The following FBXO36 variants were observed in gnomAD, a reference collection of about 807,000 sequenced individuals.
The protein encoded by FBXO36 is F-box protein 36.
Under a neutral mutation model 17.0 loss-of-function variants are expected in FBXO36, and 18 were observed. The observed-to-expected ratio is 1.06, with a 90% CI of 0.73 to 1.57. The LOEUF (loss-of-function observed/expected upper bound fraction) is 1.57, where lower values mean the gene tolerates loss of function less well. Ranked by LOEUF, FBXO36 falls within the 40% of genes most tolerant of loss-of-function variation. The pLI is 0.00. For synonymous variants in FBXO36, 83 were observed against 85.3 expected, an observed-to-expected ratio of 0.97 and a Z score of 0.15; for missense variants, 229 against 221.9, an observed-to-expected ratio of 1.03 and a Z score of -0.20.
At chr2:229,929,430 G>A (rs2076927915) in intron 1 of FBXO36, among the ~76,000 whole-genome samples, 1 of 152,084 alleles carries the variant, frequency 6.6e-6, no homozygotes, top group Non-Finnish European at 1.5e-5. Flanking sequence ...GCCAGGCGTG[G>A]GAGCGGGCGC....
intron 1 of FBXO36, among the ~76,000 whole-genome samples, chr2:229,929,370 C>T (rs567782841): frequency 2.0e-5 from 3 of 151,614 alleles, no homozygotes; most frequent in Admixed American, 1.3e-4. Flanking sequence ...AAGACCATCC[C>T]GGCCAACATG....
chr2:230,007,045 C>T (rs74477630), intron 3 of FBXO36, among the ~76,000 whole-genome samples: 1 of 152,360 alleles, frequency 6.6e-6, no homozygotes, highest in Non-Finnish European at 1.5e-5. Flanking sequence ...TGTGGATGAG[C>T]AACCAGCATA....
At position 229,971,077 on chromosome 2, in the gene FBXO36, G is replaced by C. The variant is rs532086494; in HGVS notation, c.97-5164G>C. On this transcript the variant is annotated intron_variant, in intron 1 of 3. Coordinates refer to ENST00000283946, the MANE Select transcript of FBXO36 (RefSeq NM_174899.5). The stretch of plus-strand genomic sequence containing the variant: ...TTTACAAGTGATAAAATCATGGCCA[G>C]GTGAGGCGGCTCACGCCTCTAATCT... Among the ~76,000 whole-genome samples the C allele has an allele frequency of 6.4e-4, 97 of 152,314 alleles. 1 individual carries two copies. Among genetic ancestry groups the C allele is most frequent in the Non-Finnish European group, 1.0e-3 (71 of 68,018 alleles).
intron 3 of FBXO36, among the ~76,000 whole-genome samples, chr2:230,001,054 T>C (rs2077355973): frequency 6.6e-6 from 1 of 151,824 alleles, no homozygotes; most frequent in Admixed American, 6.6e-5. Context: ...AGACTGGGTT[T>C]CACCATGTTG....
At chr2:229,956,184 T>C (rs2106177528) in intron 1 of FBXO36, among the ~76,000 whole-genome samples, 1 of 152,350 alleles carries the variant, frequency 6.6e-6, no homozygotes, top group African/African-American at 2.4e-5. Context: ...AATAGAAATG[T>C]ATTTTCTCAG....
At chr2:229,966,202 C>G (rs77925764) in intron 1 of FBXO36, among the ~76,000 whole-genome samples, 33,918 of 152,134 alleles carry the variant, frequency 0.22, 4,181 homozygotes, top group South Asian at 0.33. Flanking sequence ...TGTTCATATC[C>G]TTCGCCCACT....
chr2:229,965,138 TCTTC>T (rs1455968920), intron 1 of FBXO36, among the ~76,000 whole-genome samples: 2 of 146,008 alleles, frequency 1.4e-5, no homozygotes, highest in African/African-American at 4.9e-5. Context: ...ACCCTTTCTT[TCTTC>T]CTTCCTTTTT....
rs1353171090 is a variant in FBXO36, at chr2:230,013,094, ATTATT to A, written c.*2214_*2218del. The A allele has an allele frequency of 1.3e-5, 2 of 151,714 alleles. No individual in the cohort carries two copies. Among genetic ancestry groups the A allele is most frequent in the African/African-American group, 4.8e-5 (2 of 41,428 alleles). The allele number at this position is 151,714 out of a possible 1,614,324, so 9.4% of individuals were successfully genotyped here. On this transcript the variant is annotated 3_prime_UTR_variant, in exon 4 of 4. Transcript: ENST00000283946. ...TAGCTAAAATAATACAGATTATTAA[ATTATT>A]TTAATACTTACTTGCCATAATAATC... is the stretch of plus-strand genomic sequence containing the variant.
chr2:229,923,442 C>T (rs2076848656), intron 1 of FBXO36, among the ~76,000 whole-genome samples: 1 of 152,132 alleles, frequency 6.6e-6, no homozygotes, highest in Admixed American at 6.6e-5. Context: ...TATTCATGCA[C>T]CCTGCCCTTT....
At chr2:229,957,352 A>C (rs2106178662) in intron 1 of FBXO36, among the ~76,000 whole-genome samples, 1 of 152,280 alleles carries the variant, frequency 6.6e-6, no homozygotes, top group East Asian at 1.9e-4. Context: ...CAAGGCGGGC[A>C]AATAGCCTGA....
chr2:229,949,848 C>T (rs1024122645), intron 1 of FBXO36, among the ~76,000 whole-genome samples: 2 of 152,110 alleles, frequency 1.3e-5, no homozygotes, highest in African/African-American at 4.8e-5. Flanking sequence ...TGGCGTGAAC[C>T]TGGGAGGCGG....
chr2:229,977,978 G>A (rs1203669492), intron 2 of FBXO36, among the ~76,000 whole-genome samples: 1 of 152,134 alleles, frequency 6.6e-6, no homozygotes, highest in African/African-American at 2.4e-5. Context: ...TTTGCCAGGT[G>A]CAGTGGTTCA....
intron 2 of FBXO36, among the ~76,000 whole-genome samples, chr2:229,979,062 T>G (rs2077224823): frequency 6.6e-6 from 1 of 151,116 alleles, no homozygotes; most frequent in African/African-American, 2.4e-5. Flanking sequence ...CTGTAATCCC[T>G]GCTGCTCGGG....
intron 1 of FBXO36, among the ~76,000 whole-genome samples, chr2:229,956,847 G>A (rs1344557899): frequency 6.6e-6 from 1 of 152,148 alleles, no homozygotes; most frequent in African/African-American, 2.4e-5. Flanking sequence ...ACCTCATGAG[G>A]TGGGGTATTG....
At chr2:229,967,809 G>T (rs2077161110) in intron 1 of FBXO36, among the ~76,000 whole-genome samples, 1 of 152,186 alleles carries the variant, frequency 6.6e-6, no homozygotes, top group African/African-American at 2.4e-5. Flanking sequence ...TTGCATTGAT[G>T]TTCATCAGGG....
At chr2:229,926,561 T>G (rs1039903521) in intron 1 of FBXO36, among the ~76,000 whole-genome samples, 7 of 151,182 alleles carry the variant, frequency 4.6e-5, no homozygotes, top group Admixed American at 3.3e-4. Flanking sequence ...CTGGCCAACA[T>G]GGTAAAACCC....
At chr2:229,953,041 A>G (rs780333016) in intron 1 of FBXO36, among the ~76,000 whole-genome samples, 5 of 151,776 alleles carry the variant, frequency 3.3e-5, no homozygotes, top group African/African-American at 1.2e-4. Flanking sequence ...TGTATTGCCT[A>G]TTTGAAAAGA....
At position 229,996,833 on chromosome 2, in the gene FBXO36, G is replaced by A. The variant is rs2077330102; in HGVS notation, c.288G>A (p.Arg96=). 1.2e-6 allele frequency: 2 copies of A among 1,613,950 alleles called. No homozygotes were observed. Among genetic ancestry groups the A allele is most frequent in the East Asian group, 4.5e-5 (2 of 44,854 alleles). ...AAGGTAAATTTGACTTCCTTGAACGGCTCTCAGACGATTTGCTCCTGACTA... is the reference window on the plus strand; with the variant it reads ...AAGGTAAATTTGACTTCCTTGAACGACTCTCAGACGATTTGCTCCTGACTA... The part of the protein sequence containing the change: ...LCKGKFDFLE[R]LSDDLLLTII... Residue 96 remains arginine (R), a synonymous_variant, in exon 3 of 4, where the codon CGG becomes CGA. Transcript: ENST00000283946.
intron 1 of FBXO36, among the ~76,000 whole-genome samples, chr2:229,966,368 A>C (rs2106186652): frequency 6.6e-6 from 1 of 152,208 alleles, no homozygotes; most frequent in South Asian, 2.1e-4. Context: ...TGCTGTGCAG[A>C]AGCTCTTTAG....
Sources: allele counts gnomAD v4.1 joint callset (sites outside exome capture counted in the v4.1 genomes callset), GRCh38; gene constraint gnomAD v4.1.1; transcripts MANE v1.5; gene names NCBI Gene and HGNC (gene_info 2026-07-23, HGNC 2026-07-21).